Variants in ST6GALNAC5 observed in about 807,000 individuals in gnomAD.
ST6GALNAC5 encodes alpha-N-acetylgalactosaminide alpha-2,6-sialyltransferase 5.
ST6GALNAC5 carries 27 observed loss-of-function variants against 33.6 expected under a neutral mutation model. The observed-to-expected ratio is 0.80, with a 90% CI of 0.59 to 1.11. The LOEUF (loss-of-function observed/expected upper bound fraction) is 1.11. ST6GALNAC5 is among the 50% of genes least tolerant of loss of function. The probability of loss-of-function intolerance (pLI) is 0.00; values close to 1 mark genes in which losing one functional copy is unlikely to be tolerated. For synonymous variants in ST6GALNAC5, 194 were observed against 171.2 expected (o/e 1.13, Z -1.04); for missense variants, 428 against 454.0 (o/e 0.94, Z 0.52).
chr1:76,942,096 G>A (rs1443181916), intron 2 of ST6GALNAC5, among the ~76,000 whole-genome samples: 3 of 152,076 alleles, frequency 2.0e-5, no homozygotes, highest in African/African-American at 7.2e-5. Flanking sequence ...TTCTGTACGG[G>A]TGCATCACTT....
At chr1:76,891,624 T>C (rs1654014136) in intron 2 of ST6GALNAC5, among the ~76,000 whole-genome samples, 1 of 152,172 alleles carries the variant, frequency 6.6e-6, no homozygotes, top group Admixed American at 6.5e-5. Context: ...TCACTTATAC[T>C]TTTGGTGTCT....
At chr1:77,034,555 C>T (rs1041513737) in intron 2 of ST6GALNAC5, among the ~76,000 whole-genome samples, 1 of 152,184 alleles carries the variant, frequency 6.6e-6, no homozygotes, top group Non-Finnish European at 1.5e-5. Context: ...AAGGGGATGT[C>T]CTGGCTTGAA....
intron 4 of ST6GALNAC5, among the ~76,000 whole-genome samples, chr1:77,050,617 G>A (rs574457483): frequency 6.6e-6 from 1 of 152,144 alleles, no homozygotes; most frequent in Non-Finnish European, 1.5e-5. Flanking sequence ...ATATTTATCA[G>A]CCAGAAGTAA....
chr1:76,948,665 GTAAGAATATAAA>G (rs1647624775), intron 2 of ST6GALNAC5, among the ~76,000 whole-genome samples: 1 of 149,750 alleles, frequency 6.7e-6, no homozygotes, highest in African/African-American at 2.5e-5. Context: ...TTTGGAATAA[GTAAGAATATAAA>G]TAAGAATATC....
chr1:77,026,172 T>A (rs1048490910), intron 2 of ST6GALNAC5, among the ~76,000 whole-genome samples: 5 of 151,746 alleles, frequency 3.3e-5, no homozygotes, highest in African/African-American at 1.2e-4. Flanking sequence ...ATGCTATCTT[T>A]GACCTGTCTG....
intron 2 of ST6GALNAC5, among the ~76,000 whole-genome samples, chr1:77,038,990 C>T (rs1651748122): frequency 6.6e-6 from 1 of 152,132 alleles, no homozygotes; most frequent in Non-Finnish European, 1.5e-5. Context: ...ATCTTAGATT[C>T]TGGGATGATG....
chr1:76,977,842 T>C (rs1427302896), intron 2 of ST6GALNAC5, among the ~76,000 whole-genome samples: 1 of 152,212 alleles, frequency 6.6e-6, no homozygotes, highest in Admixed American at 6.5e-5. Context: ...ATATATATAA[T>C]AATGGCATTG....
At chr1:76,879,302 C>A (rs1006976612) in intron 2 of ST6GALNAC5, among the ~76,000 whole-genome samples, 1 of 152,122 alleles carries the variant, frequency 6.6e-6, no homozygotes, top group African/African-American at 2.4e-5. Flanking sequence ...TCTAACCAAG[C>A]AAATAAACTA....
chr1:76,891,371 G>A (rs1654009317), intron 2 of ST6GALNAC5, among the ~76,000 whole-genome samples: 1 of 152,002 alleles, frequency 6.6e-6, no homozygotes, highest in Admixed American at 6.6e-5. Context: ...GTTTTTATGT[G>A]CTTATTGTCT....
intron 2 of ST6GALNAC5, among the ~76,000 whole-genome samples, chr1:77,016,439 T>C (rs1650856636): frequency 6.6e-6 from 1 of 152,008 alleles, no homozygotes; most frequent in South Asian, 2.1e-4. Context: ...TTTGAAATTT[T>C]CCTTTCGGTC....
At chr1:76,914,370 C>A (rs1298432341) in intron 2 of ST6GALNAC5, among the ~76,000 whole-genome samples, 2 of 152,108 alleles carry the variant, frequency 1.3e-5, no homozygotes, top group African/African-American at 4.8e-5. Flanking sequence ...CAAAAAAGAG[C>A]CCGCATCGCC....
At chr1:76,887,702 T>C (rs1653928862) in intron 2 of ST6GALNAC5, among the ~76,000 whole-genome samples, 1 of 152,168 alleles carries the variant, frequency 6.6e-6, no homozygotes, top group African/African-American at 2.4e-5. Flanking sequence ...TGCTCATTTT[T>C]ATTATTTTGG....
At chr1:77,049,636 G>T (rs1316238990) in intron 3 of ST6GALNAC5, among the ~76,000 whole-genome samples, 1 of 152,172 alleles carries the variant, frequency 6.6e-6, no homozygotes, top group East Asian at 1.9e-4. Context: ...GTAAAATGAA[G>T]CAAATGTTCA....
At chr1:76,887,437 A>G (rs937285130) in intron 2 of ST6GALNAC5, among the ~76,000 whole-genome samples, 7 of 152,086 alleles carry the variant, frequency 4.6e-5, no homozygotes, top group Non-Finnish European at 7.4e-5. Context: ...AGCCATTAAG[A>G]TTTCCTTTGG....
chr1:76,875,258 G>A (rs997883550), intron 2 of ST6GALNAC5, among the ~76,000 whole-genome samples: 18 of 152,186 alleles, frequency 1.2e-4, no homozygotes, highest in African/African-American at 4.1e-4. Flanking sequence ...TTTTCCTGGT[G>A]GAGTGACCCA....
chr1:76,897,946 C>G (rs191514628), intron 2 of ST6GALNAC5, among the ~76,000 whole-genome samples: 17 of 152,118 alleles, frequency 1.1e-4, no homozygotes, highest in Admixed American at 1.1e-3. Context: ...AAGAAGAGGA[C>G]GGACTTACTT....
At chr1:76,973,172 G>T (rs2100368042) in intron 2 of ST6GALNAC5, among the ~76,000 whole-genome samples, 1 of 152,022 alleles carries the variant, frequency 6.6e-6, no homozygotes, top group Middle Eastern at 3.4e-3. Context: ...GTATATGGTA[G>T]AATTTTTCAT....
At chr1:76,873,119 ATCTGTGAACATTCAT>A (rs1220128040) in intron 2 of ST6GALNAC5, among the ~76,000 whole-genome samples, 3 of 152,080 alleles carry the variant, frequency 2.0e-5, no homozygotes, top group Admixed American at 2.0e-4. Context: ...TTTCCTGCTG[ATCTGTGAACATTCAT>A]TCTGCCTCAG....
intron 2 of ST6GALNAC5, among the ~76,000 whole-genome samples, chr1:76,920,706 G>C (rs1647026045): frequency 6.6e-6 from 1 of 152,142 alleles, no homozygotes; most frequent in African/African-American, 2.4e-5. Context: ...GGGAACAATG[G>C]CTGGCCCAAA....
Sources: allele counts gnomAD v4.1 joint callset (sites outside exome capture counted in the v4.1 genomes callset), GRCh38; gene constraint gnomAD v4.1.1; transcripts MANE v1.5; gene names NCBI Gene and HGNC (gene_info 2026-07-23, HGNC 2026-07-21).